Variants in DNAH9 observed in about 807,000 individuals in gnomAD.
The protein encoded by DNAH9 is DNAH9 variant protein.
In DNAH9, 345 loss-of-function variants were observed where a neutral mutation model predicts 471.6. The ratio of observed to expected loss-of-function variants is 0.73; its 90% CI spans 0.67 to 0.80. The LOEUF is 0.80. DNAH9 is among the 30% of genes least tolerant of loss of function. The pLI is 0.00. For missense variants in DNAH9, 5,407 were observed against 5,609.2 expected, an observed-to-expected ratio of 0.96 and a Z score of 1.15; for synonymous variants, 2,093 against 2,123.6, an observed-to-expected ratio of 0.99 and a Z score of 0.40.
rs1968784715 is a variant in DNAH9, at chr17:11,784,437, T to C, written c.7959T>C (p.Asp2653=). The change falls in exon 41 of 69, where the codon GAT becomes GAC. Residue 2653 remains aspartate, a synonymous_variant. Coordinates refer to ENST00000262442, the MANE Select transcript of DNAH9 (RefSeq NM_001372.4). Reference sequence around the variant, plus strand: ...AGAAATCCATCCCCCCACTGATCGATCTGGCCCTCGCCTTCCACCAGAAAA... The same window carrying C: ...AGAAATCCATCCCCCCACTGATCGACCTGGCCCTCGCCTTCCACCAGAAAA... ...SLQKSIPPLI[D]LALAFHQKIA... 1.3e-5 allele frequency: 21 copies of C among 1,614,028 alleles called. No individual in the cohort carries two copies. Among genetic ancestry groups the C allele is most frequent in the Admixed American group, 1.7e-5 (1 of 59,984 alleles).
At chr17:11,792,233 C>T (rs1230308253) in intron 41 of DNAH9, among the ~76,000 whole-genome samples, 6 of 152,120 alleles carry the variant, frequency 3.9e-5, no homozygotes, top group Admixed American at 3.3e-4. Context: ...AAGATCACAC[C>T]GTTGCACTCC....
Position 11,632,638 on chromosome 17 carries a change from C to T in DNAH9, c.1570C>T (p.Arg524Ter), listed in dbSNP as rs774574732. The stretch of plus-strand genomic sequence containing the variant: ...TAACCAGAAAGTAGAAGATCTTGAC[C>T]GAAGATTGGGGACTATCTTTATTCA... ...EFNQKVEDLD[R>*]RLGTIFIQAF... is the part of the protein sequence containing the mutation. The change falls in exon 8 of 69, where the codon CGA (arginine) becomes TGA (stop). Residue 524 changes from arginine (R) to a stop codon, truncating the protein, a stop_gained. Coordinates refer to ENST00000262442, the MANE Select transcript of DNAH9 (RefSeq NM_001372.4). LOFTEE classifies it high-confidence loss of function. 44 of 1,611,214 alleles carry T rather than the reference C, an allele frequency of 2.7e-5. No homozygotes were observed. Among genetic ancestry groups the T allele is most frequent in the Non-Finnish European group, 3.5e-5 (41 of 1,177,594 alleles).
At position 11,673,740 on chromosome 17, in the gene DNAH9, C is replaced by G. The variant is rs565813332; in HGVS notation, c.3353+3946C>G. On this transcript the variant is annotated intron_variant, in intron 17 of 68. Transcript: ENST00000262442. ...TGCATCATCCAGCTAAGAAACAGAA[C>G]ATTGGCTATATTTTAAAGTTTAAAT... Among the ~76,000 whole-genome samples, 17 of 151,282 alleles carry G rather than the reference C, an allele frequency of 1.1e-4. No homozygotes were observed. In the South Asian group the frequency reaches 3.5e-3, roughly 31 times the overall value.
Position 11,629,493 on chromosome 17 carries a change from G to A in DNAH9, c.1427G>A (p.Ser476Asn). 24 of 1,614,096 alleles carry A rather than the reference G, an allele frequency of 1.5e-5. No individual in the cohort carries two copies. Among genetic ancestry groups the A allele is most frequent in the Non-Finnish European group, 1.9e-5 (23 of 1,179,958 alleles). ...EFSGVRGNAL[S>N]QQVQQMHEEF... ...AGCGGCGTCAGAGGGAATGCTCTGA[G>A]TCAGCAGGTCCAGCAAATGCATGAA... The change falls in exon 7 of 69, where the codon AGT (serine) becomes AAT (asparagine). Residue 476 changes from serine (S) to asparagine (N), a missense_variant. Ser to Asn is a conservative substitution (Grantham distance 46). Transcript: ENST00000262442.
intron 32 of DNAH9, 131 bp from the exon 33 acceptor site, chr17:11,752,702 A>C: frequency 1.8e-6 from 1 of 547,862 alleles, no homozygotes; most frequent in Non-Finnish European, 3.0e-6. Flanking sequence ...AAATAAAACC[A>C]GGTCTGATCT....
At chr17:11,766,827 G>A (rs190153402) in intron 36 of DNAH9, among the ~76,000 whole-genome samples, 1 of 152,088 alleles carries the variant, frequency 6.6e-6, no homozygotes, top group African/African-American at 2.4e-5. Context: ...AGCCGGGCTT[G>A]GGCATGGTGG....
intron 51 of DNAH9, among the ~76,000 whole-genome samples, chr17:11,870,141 T>A (rs977301843): frequency 3.3e-5 from 5 of 152,200 alleles, no homozygotes; most frequent in Admixed American, 3.3e-4. Context: ...AAAGTCCCAG[T>A]ATCTGAAGGC....
intron 67 of DNAH9, among the ~76,000 whole-genome samples, chr17:11,957,387 T>C (rs570433430): frequency 1.3e-5 from 2 of 152,262 alleles, no homozygotes; most frequent in African/African-American, 4.8e-5. Flanking sequence ...GATAGACTTA[T>C]GTTTCCCTAT....
chr17:11,665,050 G>A (rs2073843774), intron 15 of DNAH9, 82 bp downstream of exon 15: 4 of 1,274,288 alleles, frequency 3.1e-6, no homozygotes, highest in Non-Finnish European at 4.4e-6. Context: ...AAGAGCAGCT[G>A]AGTGCTCTGT....
chr17:11,778,388 C>T (rs190359541), intron 38 of DNAH9, among the ~76,000 whole-genome samples: 5 of 97,674 alleles, frequency 5.1e-5, no homozygotes, highest in East Asian at 5.8e-4. Context: ...AAAAGAGAAA[C>T]GGGGTGCCTG....
chr17:11,683,682 T>C (rs2074180126), intron 19 of DNAH9, among the ~76,000 whole-genome samples: 1 of 152,170 alleles, frequency 6.6e-6, no homozygotes, highest in African/African-American at 2.4e-5. Flanking sequence ...TATTTGATAG[T>C]TGTGTTCGTT....
At chr17:11,731,920 T>A (rs1322895786) in intron 28 of DNAH9, among the ~76,000 whole-genome samples, 1 of 152,200 alleles carries the variant, frequency 6.6e-6, no homozygotes, top group Non-Finnish European at 1.5e-5. Context: ...TACCCAGTAA[T>A]GGGATGGCGG....
At chr17:11,782,372 G>A (rs1227920529) in intron 39 of DNAH9, among the ~76,000 whole-genome samples, 1 of 152,012 alleles carries the variant, frequency 6.6e-6, no homozygotes, top group African/African-American at 2.4e-5. Context: ...CCCTCTCTTT[G>A]ATCTTCCCAC....
chr17:11,690,014 A>G lies in DNAH9; in HGVS notation c.4192A>G (p.Thr1398Ala). The G allele has an allele frequency of 6.2e-7, 1 of 1,614,194 alleles. No individual in the cohort carries two copies. The highest frequency in any genetic ancestry group is 8.5e-7 in the Non-Finnish European group (1 of 1,180,034). ...QLMQATGVSF[T>A]MDQDTTLAHL... is the part of the protein sequence containing the mutation. ...GATGCAGGCCACCGGTGTGAGCTTC[A>G]CTATGGACCAGGACACCACCCTAGC... The change falls in exon 20 of 69, where the codon ACT (threonine) becomes GCT (alanine). Residue 1398 changes from threonine (T) to alanine (A), a missense_variant. By Grantham distance (58) the Thr-to-Ala change is moderately conservative. Coordinates refer to ENST00000262442, the MANE Select transcript of DNAH9 (RefSeq NM_001372.4).
chr17:11,654,881 G>A (rs2073605286), intron 14 of DNAH9, among the ~76,000 whole-genome samples: 1 of 152,068 alleles, frequency 6.6e-6, no homozygotes, highest in Non-Finnish European at 1.5e-5. Context: ...CTGTCTGACT[G>A]TAGCTCTGCA....
At chr17:11,727,011 G>A (rs1007822753) in intron 27 of DNAH9, among the ~76,000 whole-genome samples, 1 of 116,658 alleles carries the variant, frequency 8.6e-6, no homozygotes, top group African/African-American at 3.3e-5. Context: ...TCGCACCACT[G>A]CACTCCAGCC....
rs1392799300 is a variant in DNAH9 at position 11,902,914 on chromosome 17, T to C, written c.11600+2T>C. On this transcript the variant is annotated splice_donor_variant, in intron 60 of 68. Transcript: ENST00000262442. LOFTEE classifies it high-confidence loss of function. ...CGACCGGATGACCTATGCTTTGCGG[T>C]AGGAAACAGGGTGGTGGAAGGCCCA... The C allele has an allele frequency of 6.2e-7, 1 of 1,611,768 alleles. No homozygotes were observed. The highest frequency in any genetic ancestry group is 8.5e-7 in the Non-Finnish European group (1 of 1,179,298).
intron 50 of DNAH9, among the ~76,000 whole-genome samples, chr17:11,865,275 A>C (rs1215994917): frequency 6.6e-6 from 1 of 152,000 alleles, no homozygotes; most frequent in Non-Finnish European, 1.5e-5. Context: ...TCCTTCACTT[A>C]TGAAGCTTAG....
chr17:11,718,550 T>C (rs2075004356), intron 26 of DNAH9, among the ~76,000 whole-genome samples: 1 of 152,216 alleles, frequency 6.6e-6, no homozygotes, highest in Non-Finnish European at 1.5e-5. Context: ...GTACCAGAAG[T>C]AAGCTTAAAG....
Sources: gnomAD v4.1 joint callset for allele counts (sites outside exome capture counted in the v4.1 genomes callset) on GRCh38, gnomAD v4.1.1 for gene constraint, MANE v1.5 for transcripts, NCBI Gene and HGNC (gene_info 2026-07-23, HGNC 2026-07-21) for gene names.